The following PCDHGA10 variants were observed in gnomAD, a reference collection of about 807,000 sequenced individuals.
The protein encoded by PCDHGA10 is protocadherin gamma subfamily A, 10.
PCDHGA10 carries 42 observed loss-of-function variants against 59.5 expected under a neutral mutation model. The ratio of observed to expected loss-of-function variants is 0.71; its 90% CI spans 0.55 to 0.91. The LOEUF (loss-of-function observed/expected upper bound fraction) is 0.91. PCDHGA10 is among the 40% of genes least tolerant of loss of function. The probability of loss-of-function intolerance (pLI) is 0.00; values close to 1 mark genes in which losing one functional copy is unlikely to be tolerated. For synonymous variants in PCDHGA10, 511 were observed against 517.2 expected, an observed-to-expected ratio of 0.99 and a Z score of 0.16; for missense variants, 1,111 against 1,198.2, an observed-to-expected ratio of 0.93 and a Z score of 1.07.
rs991408001 is a variant in PCDHGA10, at chr5:141,450,171, C to G, written c.2436+34560C>G. Among the ~76,000 whole-genome samples, 5 of 151,690 alleles carry G rather than the reference C, an allele frequency of 3.3e-5. No individual in the cohort carries two copies. In the East Asian group the frequency reaches 7.8e-4, roughly 24 times the overall value. ...ACAGGCATGTGCCACCACACTCCCACCACACCCAGCTAATTTTTGTATTTT... is the reference window on the plus strand; with the variant it reads ...ACAGGCATGTGCCACCACACTCCCAGCACACCCAGCTAATTTTTGTATTTT... On this transcript the variant is annotated intron_variant, in intron 1 of 3. Transcript: ENST00000398610.
chr5:141,430,952 C>G, intron 1 of PCDHGA10: 2 of 1,610,382 alleles, frequency 1.2e-6, no homozygotes, highest in African/African-American at 2.7e-5. Flanking sequence ...GCGCGGAGTC[C>G]GCATCATCCC....
chr5:141,439,965 T>C (rs1212358198), intron 1 of PCDHGA10: 1 of 152,760 alleles, frequency 6.5e-6, no homozygotes, highest in Non-Finnish European at 1.5e-5. Flanking sequence ...CGTTATTCAG[T>C]CCTAGAGGAG....
At chr5:141,421,965 C>A in intron 1 of PCDHGA10, 1 of 1,610,360 alleles carries the variant, frequency 6.2e-7, no homozygotes, top group Non-Finnish European at 8.5e-7. Context: ...TTACACAGTC[C>A]GTATATCGCG....
chr5:141,432,800 C>T lies in PCDHGA10; in HGVS notation c.2436+17189C>T. The T allele has an allele frequency of 6.2e-7, 1 of 1,614,156 alleles. No individual in the cohort carries two copies. The highest frequency in any genetic ancestry group is 8.5e-7 in the Non-Finnish European group (1 of 1,180,008). ...GGCGGACCTCGGCAGCCTCGAGTCT[C>T]CAGCTAACTCTGAAACCTCAGACCT... On this transcript the variant is annotated intron_variant, in intron 1 of 3. Transcript: ENST00000398610. This position sits in a 1 kb window ranked among gnomAD's most constrained non-coding sequence, Gnocchi z 6.0.
At chr5:141,423,227 A>C (rs1305722929) in intron 1 of PCDHGA10, 5 of 1,613,634 alleles carry the variant, frequency 3.1e-6, no homozygotes, top group Non-Finnish European at 2.5e-6. Context: ...GCTGTGGCCG[A>C]CAGCATCCCC....
intron 1 of PCDHGA10, among the ~76,000 whole-genome samples, chr5:141,459,544 T>G (rs772982634): frequency 6.6e-6 from 1 of 152,246 alleles, no homozygotes; most frequent in Non-Finnish European, 1.5e-5. Flanking sequence ...TTTTTTTTAT[T>G]TCTCTTGGAT....
At position 141,486,478 on chromosome 5, in the gene PCDHGA10, C is replaced by T; in HGVS notation, c.2437-8329C>T. The T allele has an allele frequency of 2.5e-6, 4 of 1,614,026 alleles. No homozygotes were observed. The highest frequency in any genetic ancestry group is 3.4e-6 in the Non-Finnish European group (4 of 1,179,854). On this transcript the variant is annotated intron_variant, in intron 1 of 3. Transcript: ENST00000398610. The surrounding 1 kb of genome is among the most constrained non-coding windows in gnomAD (Gnocchi z 5.0). ...CTTCTGATGCTGGGAACCCTCCTCT[C>T]AGTACCCACAGAACTATTTTCCTCA...
At chr5:141,428,034 T>A (rs768728101) in intron 1 of PCDHGA10, 8 of 1,607,778 alleles carry the variant, frequency 5.0e-6, no homozygotes, top group Middle Eastern at 1.7e-4. Context: ...AGAGTCCGGC[T>A]ACCTGGTGAC....
intron 1 of PCDHGA10, chr5:141,428,156 C>A: frequency 6.3e-7 from 1 of 1,579,884 alleles, no homozygotes; most frequent in Non-Finnish European, 8.6e-7. Context: ...CGGGAACCTG[C>A]TGGTTGCTGT....
rs894528472 is a variant in PCDHGA10 at position 141,489,718 on chromosome 5, C to A, written c.2437-5089C>A. 6.2e-7 allele frequency: 1 copy of A among 1,614,038 alleles called. No individual in the cohort carries two copies. Among genetic ancestry groups the A allele is most frequent in the African/African-American group, 1.3e-5 (1 of 74,934 alleles). ...ATTCCCACTGGACAGTGCCCAGGATCCGGATGTGGGCACCAATACTGTGAG... is the reference window on the plus strand; with the variant it reads ...ATTCCCACTGGACAGTGCCCAGGATACGGATGTGGGCACCAATACTGTGAG... On this transcript the variant is annotated intron_variant, in intron 1 of 3. Coordinates refer to ENST00000398610, the MANE Select transcript of PCDHGA10 (RefSeq NM_018913.3). This position sits in a 1 kb window ranked among gnomAD's most constrained non-coding sequence, Gnocchi z 4.5.
rs553772792 is a variant in PCDHGA10, at chr5:141,444,542, G to A, written c.2436+28931G>A. ...AGGTGAGACAGTGACTGTGTCTAGT[G>A]AGCAAAAGGCACTTATTTGACACTT... On this transcript the variant is annotated intron_variant, in intron 1 of 3. Coordinates refer to ENST00000398610, the MANE Select transcript of PCDHGA10 (RefSeq NM_018913.3). 3.3e-5 allele frequency among the ~76,000 whole-genome samples: 5 copies of A among 152,156 alleles called. No individual in the cohort carries two copies. The East Asian group carries it at 7.7e-4, about 24-fold the overall frequency.
rs753256077 is a variant in PCDHGA10 at position 141,431,467 on chromosome 5, C to A, written c.2436+15856C>A. On this transcript the variant is annotated intron_variant, in intron 1 of 3. Coordinates refer to ENST00000398610, the MANE Select transcript of PCDHGA10 (RefSeq NM_018913.3). The surrounding 1 kb of genome is among the most constrained non-coding windows in gnomAD (Gnocchi z 4.8). The stretch of plus-strand genomic sequence containing the variant: ...TCCGCGTGATGGTTCTGGATGCGAA[C>A]GACAACGCACCAGCGTTTGCTCAGC... 1.9e-5 allele frequency: 31 copies of A among 1,613,684 alleles called. No homozygotes were observed. The highest frequency in any genetic ancestry group is 3.4e-6 in the Non-Finnish European group (4 of 1,179,964).
intron 1 of PCDHGA10, among the ~76,000 whole-genome samples, chr5:141,450,022 T>TTTTC: frequency 6.7e-6 from 1 of 149,424 alleles, no homozygotes; most frequent in Admixed American, 6.7e-5. Context: ...TTTTTTTTTT[T>TTTTC]TTGAGACAGG....
chr5:141,447,852 G>A (rs375081279), intron 1 of PCDHGA10, among the ~76,000 whole-genome samples: 2 of 152,144 alleles, frequency 1.3e-5, no homozygotes, highest in East Asian at 3.9e-4. Context: ...TTGGGAGGCC[G>A]AGGTGGGTGA....
intron 1 of PCDHGA10, among the ~76,000 whole-genome samples, chr5:141,454,985 A>G (rs1292477757): frequency 1.3e-5 from 2 of 150,314 alleles, no homozygotes; most frequent in African/African-American, 4.9e-5. Context: ...TTTTTTAAAA[A>G]ATATTTTTAG....
chr5:141,418,246 C>T lies in PCDHGA10; in HGVS notation c.2436+2635C>T, dbSNP rs200526306. 4.5e-5 allele frequency: 72 copies of T among 1,614,020 alleles called. No individual in the cohort carries two copies. The African/African-American group carries it at 8.9e-4, about 20-fold the overall frequency. On this transcript the variant is annotated intron_variant, in intron 1 of 3. Coordinates refer to ENST00000398610, the MANE Select transcript of PCDHGA10 (RefSeq NM_018913.3). The stretch of plus-strand genomic sequence containing the variant: ...TGGTGATTGAGGATGTTAATGACCA[C>T]GCCCCTCAATTCCGGAAAGATGAAA...
In PCDHGA10 at chr5:141,511,330, T is replaced by C; in HGVS notation, c.*157T>C. 1 of 1,455,994 alleles carries C rather than the reference T, an allele frequency of 6.9e-7. No homozygotes were observed. The highest frequency in any genetic ancestry group is 9.1e-7 in the Non-Finnish European group (1 of 1,093,254). 90.2% of individuals were successfully genotyped at this position (1,455,994 alleles called of 1,614,324 possible). ...TTGGGAAACAGAAACAAGTGCCCAG[T>C]CAGCACCTACCCCTTCCCCCCCAGG... On this transcript the variant is annotated 3_prime_UTR_variant, in exon 4 of 4. Coordinates refer to ENST00000398610, the MANE Select transcript of PCDHGA10 (RefSeq NM_018913.3).
intron 1 of PCDHGA10, chr5:141,427,194 T>G (rs759512205): frequency 6.6e-6 from 3 of 456,512 alleles, no homozygotes; most frequent in Non-Finnish European, 1.3e-5. Context: ...ATCCAAAGAC[T>G]TAATAGACTT....
At chr5:141,434,194 GTACT>G (rs527775432) in intron 1 of PCDHGA10, among the ~76,000 whole-genome samples, 169 of 152,308 alleles carry the variant, frequency 1.1e-3, no homozygotes, top group African/African-American at 3.9e-3. Flanking sequence ...TAATTCCAAT[GTACT>G]TACTTCTGTC....
Sources: gnomAD v4.1 joint callset for allele counts (sites outside exome capture counted in the v4.1 genomes callset) on GRCh38, gnomAD v4.1.1 for gene constraint, Gnocchi (gnomAD v3.1) non-coding constraint, MANE v1.5 for transcripts, NCBI Gene and HGNC (gene_info 2026-07-23, HGNC 2026-07-21) for gene names.